The following DCAF6 variants were observed in gnomAD, a reference collection of about 807,000 sequenced individuals.
DCAF6 encodes the protein DDB1- and CUL4-associated factor 6.
In DCAF6, 54 loss-of-function variants were observed where a neutral mutation model predicts 125.1. The ratio of observed to expected loss-of-function variants is 0.43; its 90% CI spans 0.35 to 0.54. The LOEUF is 0.54. Among genes scored for constraint, DCAF6 ranks in the 20% least tolerant of loss-of-function variants. The pLI is 0.01. For missense variants in DCAF6, 934 were observed against 1,161.7 expected (o/e 0.80, Z 2.85); for synonymous variants, 371 against 390.4 (o/e 0.95, Z 0.58).
At chr1:167,888,732 G>C in the DCAF6 span, among the ~76,000 whole-genome samples, 21 of 151,726 alleles carry the variant, frequency 1.4e-4, no homozygotes, top group African/African-American at 4.6e-4. Flanking sequence ...AAAAATTAGC[G>C]GGGCGTGGTG....
chr1:167,998,174 G>T (rs56358061), intron 7 of DCAF6, among the ~76,000 whole-genome samples: 4,560 of 152,218 alleles, frequency 0.03, 236 homozygotes, highest in African/African-American at 0.1. Context: ...AGATCTTTTG[G>T]TTTCCCAGTG....
intron 10 of DCAF6, among the ~76,000 whole-genome samples, chr1:168,013,069 T>C (rs1409950434): frequency 1.3e-5 from 2 of 152,206 alleles, no homozygotes; most frequent in African/African-American, 4.8e-5. Flanking sequence ...AAGTGTGAAG[T>C]GACAAACTTT....
the DCAF6 span, among the ~76,000 whole-genome samples, chr1:167,927,974 TGA>T: frequency 1.1e-4 from 17 of 152,328 alleles, no homozygotes; most frequent in African/African-American, 4.1e-4. Context: ...CTAATTTTTC[TGA>T]GATACTAAAA....
At chr1:167,980,982 C>G (rs939507278) in intron 4 of DCAF6, among the ~76,000 whole-genome samples, 1 of 147,142 alleles carries the variant, frequency 6.8e-6, no homozygotes, top group African/African-American at 2.5e-5. Flanking sequence ...TCGTGGCTCA[C>G]TGCACCCTCT....
rs73026103 is a variant in DCAF6 at position 167,953,232 on chromosome 1, G to A, written c.159+1371G>A. On this transcript the variant is annotated intron_variant, in intron 2 of 21. Transcript: ENST00000367840. ...TTGTATATTTTATGCCTTATACCTA[G>A]AATTCTCTTCTCTCACTTACCTGTA... 5.4e-3 allele frequency among the ~76,000 whole-genome samples: 814 copies of A among 152,122 alleles called. 9 individuals are homozygous for A. Among genetic ancestry groups the A allele is most frequent in the African/African-American group, 0.019 (770 of 41,500 alleles).
chr1:168,023,938 G>C (rs1165593723), intron 12 of DCAF6: 2 of 152,154 alleles, frequency 1.3e-5, no homozygotes, highest in African/African-American at 4.8e-5. Context: ...CAGATAGCTG[G>C]ACGTGGTGGC....
At chr1:168,069,254 C>CT (rs1692740353) in intron 21 of DCAF6, among the ~76,000 whole-genome samples, 1 of 152,162 alleles carries the variant, frequency 6.6e-6, no homozygotes. Flanking sequence ...CCTTACTCCC[C>CT]TTTGACCTAT....
At chr1:167,962,814 G>A (rs543241316) in intron 2 of DCAF6, among the ~76,000 whole-genome samples, 17 of 152,240 alleles carry the variant, frequency 1.1e-4, no homozygotes, top group African/African-American at 3.9e-4. Flanking sequence ...AATTAGCCAC[G>A]CATGGTGGCA....
At chr1:167,894,560 A>C in the DCAF6 span, among the ~76,000 whole-genome samples, 1 of 152,206 alleles carries the variant, frequency 6.6e-6, no homozygotes, top group Non-Finnish European at 1.5e-5. Context: ...TCAAAAAATA[A>C]GGGAGACAGA....
the DCAF6 span, among the ~76,000 whole-genome samples, chr1:167,925,442 C>CGTATAT: frequency 5.5e-3 from 449 of 82,254 alleles, 2 homozygotes; most frequent in Non-Finnish European, 6.6e-3. Context: ...TACATATACA[C>CGTATAT]ATATATATAT....
chr1:167,896,438 G>A, the DCAF6 span, among the ~76,000 whole-genome samples: 1 of 152,040 alleles, frequency 6.6e-6, no homozygotes, highest in South Asian at 2.1e-4. Context: ...TAGAATTGCT[G>A]TCCCGGAGAA....
chr1:167,956,441 T>G (rs2102752778), intron 2 of DCAF6, among the ~76,000 whole-genome samples: 1 of 152,240 alleles, frequency 6.6e-6, no homozygotes, highest in Admixed American at 6.5e-5. Context: ...ATTGGTAATA[T>G]TTTCTCCATG....
At chr1:168,034,031 G>A (rs1687487058) in intron 12 of DCAF6, among the ~76,000 whole-genome samples, 1 of 152,184 alleles carries the variant, frequency 6.6e-6, no homozygotes, top group Admixed American at 6.5e-5. Context: ...TGATGCCAAA[G>A]TGATAATTTT....
At chr1:168,034,330 CAT>C (rs1382719448) in intron 12 of DCAF6, among the ~76,000 whole-genome samples, 1 of 152,106 alleles carries the variant, frequency 6.6e-6, no homozygotes, top group Non-Finnish European at 1.5e-5. Flanking sequence ...GCCTGGACAA[CAT>C]AGTGAGACTC....
the DCAF6 span, among the ~76,000 whole-genome samples, chr1:167,923,933 A>T: frequency 6.6e-6 from 1 of 152,242 alleles, no homozygotes; most frequent in Non-Finnish European, 1.5e-5. Flanking sequence ...CATAAAATCA[A>T]TGATTTGCTA....
At chr1:168,001,069 A>G (rs561338187) in intron 7 of DCAF6, among the ~76,000 whole-genome samples, 12 of 152,226 alleles carry the variant, frequency 7.9e-5, no homozygotes, top group African/African-American at 2.9e-4. Context: ...GGGAGGCAGA[A>G]GTGGGAGGAT....
intron 4 of DCAF6, among the ~76,000 whole-genome samples, chr1:167,985,563 T>C (rs1679881789): frequency 6.6e-6 from 1 of 152,196 alleles, no homozygotes; most frequent in Non-Finnish European, 1.5e-5. Context: ...CCTCTGTGGA[T>C]AATTTAGGAT....
At chr1:167,993,026 G>T (rs1191547901) in intron 6 of DCAF6, among the ~76,000 whole-genome samples, 200 bp from the exon 7 acceptor site, 1 of 152,104 alleles carries the variant, frequency 6.6e-6, no homozygotes, top group South Asian at 2.1e-4. Context: ...TTTGGTAGAG[G>T]TGTTACCTTT....
At chr1:167,938,104 A>G (rs888218293) in intron 1 of DCAF6, among the ~76,000 whole-genome samples, 1 of 152,304 alleles carries the variant, frequency 6.6e-6, no homozygotes, top group South Asian at 2.1e-4. Context: ...TTTGTTTATA[A>G]AAACTCAATA....
Sources: gnomAD v4.1 joint callset for allele counts (sites outside exome capture counted in the v4.1 genomes callset) on GRCh38, gnomAD v4.1.1 for gene constraint, MANE v1.5 for transcripts, NCBI Gene and HGNC (gene_info 2026-07-23, HGNC 2026-07-21) for gene names.